HCN4: variants seen among roughly 807,000 people sequenced by gnomAD.
The protein encoded by HCN4 is potassium/sodium hyperpolarization-activated cyclic nucleotide-gated channel 4.
In HCN4, 29 loss-of-function variants were observed where a neutral mutation model predicts 76.9. That is an observed-to-expected ratio of 0.38 (90% confidence interval 0.28 to 0.51). HCN4 has a LOEUF of 0.51. Among genes scored for constraint, HCN4 ranks in the 20% least tolerant of loss-of-function variants. The probability of loss-of-function intolerance (pLI) is 0.90; values close to 1 mark genes in which losing one functional copy is unlikely to be tolerated. For synonymous variants in HCN4, 772 were observed against 762.5 expected, an observed-to-expected ratio of 1.01 and a Z score of -0.21; for missense variants, 1,416 against 1,715.2, an observed-to-expected ratio of 0.83 and a Z score of 3.08.
At chr15:73,346,256 G>A (rs1474621498) in intron 1 of HCN4, among the ~76,000 whole-genome samples, 2 of 152,096 alleles carry the variant, frequency 1.3e-5, no homozygotes, top group African/African-American at 4.8e-5. Flanking sequence ...CTGCTCCATG[G>A]TTTACTAGCA....
rs1242136992 is a variant in HCN4 at position 73,325,297 on chromosome 15, C to T, written c.1737+1G>A. 1 of 1,614,016 alleles carries T rather than the reference C, an allele frequency of 6.2e-7. No homozygotes were observed. Among genetic ancestry groups the T allele is most frequent in the Non-Finnish European group, 8.5e-7 (1 of 1,180,012 alleles). On this transcript the variant is annotated splice_donor_variant, in intron 5 of 7. Transcript: ENST00000261917. LOFTEE classifies it high-confidence loss of function. This position sits in a 1 kb window ranked among gnomAD's most constrained non-coding sequence, Gnocchi z 7.4. Reference sequence around the variant, plus strand: ...CCACGCCGGGCCGCCACACAGCTCACCTCCCGCAGGGGCTCGCTTAGCTCG... The same window carrying T: ...CCACGCCGGGCCGCCACACAGCTCATCTCCCGCAGGGGCTCGCTTAGCTCG...
chr15:73,335,038 G>A (rs767754933), intron 2 of HCN4, among the ~76,000 whole-genome samples: 3 of 152,054 alleles, frequency 2.0e-5, no homozygotes, highest in South Asian at 2.1e-4. Context: ...GAAGGCGGCC[G>A]TCTACAAGTC....
chr15:73,358,057 C>G (rs2043089217), intron 1 of HCN4, among the ~76,000 whole-genome samples: 1 of 152,114 alleles, frequency 6.6e-6, no homozygotes, highest in Admixed American at 6.5e-5. Flanking sequence ...ACCCTGGACA[C>G]TGAGAGAAGA....
At chr15:73,330,523 T>C (rs2042926704) in intron 3 of HCN4, among the ~76,000 whole-genome samples, 1 of 152,146 alleles carries the variant, frequency 6.6e-6, no homozygotes, top group African/African-American at 2.4e-5. Context: ...ATTTAGTGCA[T>C]GTGTGGGCCT....
intron 1 of HCN4, among the ~76,000 whole-genome samples, chr15:73,359,840 T>C (rs894322524): frequency 1.3e-5 from 2 of 152,206 alleles, no homozygotes; most frequent in Non-Finnish European, 2.9e-5. Flanking sequence ...ACCATTTCTC[T>C]GGTGGATCAG....
chr15:73,324,038 C>T (rs1343479181), intron 7 of HCN4, 51 bp downstream of exon 7: 3 of 1,607,526 alleles, frequency 1.9e-6, no homozygotes, highest in Non-Finnish European at 2.5e-6. Flanking sequence ...GAGCCCTGCC[C>T]TCCTCCCCCA....
Position 73,328,757 on chromosome 15 carries a change from G to A in HCN4, c.1590+816C>T, listed in dbSNP as rs2042915020. Among the ~76,000 whole-genome samples, 1 of 152,174 alleles carries A rather than the reference G, an allele frequency of 6.6e-6. No individual in the cohort carries two copies. On this transcript the variant is annotated intron_variant, in intron 4 of 7. Transcript: ENST00000261917. The surrounding 1 kb of genome is among the most constrained non-coding windows in gnomAD (Gnocchi z 4.0). Reference sequence around the variant, plus strand: ...CATTCTCTGTGGTGAGGGGGCTGCTGTTGAGACCCCAGGGAGAGATGAAGC... The same window carrying A: ...CATTCTCTGTGGTGAGGGGGCTGCTATTGAGACCCCAGGGAGAGATGAAGC...
At chr15:73,335,578 G>GC in intron 2 of HCN4, 1 of 152,414 alleles carries the variant, frequency 6.6e-6, no homozygotes, top group Non-Finnish European at 1.5e-5. Flanking sequence ...CCCTGACTGT[G>GC]CCCCCCAGCA....
intron 4 of HCN4, among the ~76,000 whole-genome samples, chr15:73,326,769 TTTTATTTATTTA>T (rs745348390): frequency 1.4e-4 from 21 of 151,050 alleles, no homozygotes; most frequent in Non-Finnish European, 2.7e-4. Context: ...CTTTTTTTCT[TTTTATTTATTTA>T]TTTATTTATT....
At chr15:73,338,838 C>A (rs1191832062) in intron 2 of HCN4, among the ~76,000 whole-genome samples, 1 of 152,242 alleles carries the variant, frequency 6.6e-6, no homozygotes, top group African/African-American at 2.4e-5. Context: ...ATGCTGGGTG[C>A]AGTTTGAAGG....
chr15:73,335,440 C>G (rs1304222123), intron 2 of HCN4: 1 of 152,310 alleles, frequency 6.6e-6, no homozygotes, highest in African/African-American at 2.4e-5. Flanking sequence ...AGCCAACAAA[C>G]TGTTAAAGAA....
At chr15:73,324,389 G>A (rs979168539) in intron 6 of HCN4, 136 bp from the exon 7 acceptor site, 5 of 921,012 alleles carry the variant, frequency 5.4e-6, no homozygotes, top group Non-Finnish European at 8.4e-6. Context: ...CCAGACTGCG[G>A]CCACACTGGA....
chr15:73,361,005 T>C (rs1489532397), intron 1 of HCN4, among the ~76,000 whole-genome samples: 5 of 152,202 alleles, frequency 3.3e-5, no homozygotes, highest in Non-Finnish European at 7.3e-5. Flanking sequence ...GGAGTGGGAA[T>C]GTGGGGCCAG....
In HCN4 at chr15:73,323,320, G is replaced by A; in HGVS notation, c.2773C>T (p.Leu925=). 4 of 1,559,012 alleles carry A rather than the reference G, an allele frequency of 2.6e-6. No individual in the cohort carries two copies. Among genetic ancestry groups the A allele is most frequent in the East Asian group, 2.4e-5 (1 of 42,276 alleles). ...GCGCCTGGCTGCAGCGGGGTGAGCA[G>A]GGGAGAGTCGGAGGAGGACAGGGAG... ...GGSLSSSDSP[L]LTPLQPGARS... Residue 925 remains leucine (L), a synonymous_variant, in exon 8 of 8, where the codon CTG becomes TTG. Coordinates refer to ENST00000261917, the MANE Select transcript of HCN4 (RefSeq NM_005477.3).
chr15:73,358,593 G>A (rs1478332106), intron 1 of HCN4, among the ~76,000 whole-genome samples: 1 of 152,172 alleles, frequency 6.6e-6, no homozygotes, highest in Non-Finnish European at 1.5e-5. Flanking sequence ...CATACACACA[G>A]GCAAACACAC....
rs971779016 is a variant in HCN4, at chr15:73,332,349, G to A, written c.1210-57C>T. On this transcript the variant is annotated intron_variant, in intron 2 of 7. Coordinates refer to ENST00000261917, the MANE Select transcript of HCN4 (RefSeq NM_005477.3). ...TAGGTGAGTGGCCAGGAGGGCCAGC[G>A]GCCACTTTCCCTGCCCTGGAGCTGC... is the stretch of plus-strand genomic sequence containing the variant. 5.7e-6 allele frequency: 9 copies of A among 1,568,352 alleles called. No homozygotes were observed. The South Asian group carries it at 6.7e-5, about 12-fold the overall frequency.
chr15:73,354,329 G>T (rs1468730814), intron 1 of HCN4, among the ~76,000 whole-genome samples: 1 of 152,204 alleles, frequency 6.6e-6, no homozygotes, highest in African/African-American at 2.4e-5. Context: ...CCCCAAGAAG[G>T]TGAGCTGTGT....
intron 1 of HCN4, among the ~76,000 whole-genome samples, chr15:73,358,284 C>T (rs1034489748): frequency 9.9e-5 from 15 of 152,194 alleles, no homozygotes; most frequent in African/African-American, 3.4e-4. Flanking sequence ...ATGAACGGGA[C>T]CTGTGGACCT....
chr15:73,365,197 G>A (rs1334017927), intron 1 of HCN4, among the ~76,000 whole-genome samples: 1 of 152,162 alleles, frequency 6.6e-6, no homozygotes, highest in Non-Finnish European at 1.5e-5. Context: ...CTAGGCTCTT[G>A]CCTGTTTGAC....
Sources: gnomAD v4.1 joint callset for allele counts (sites outside exome capture counted in the v4.1 genomes callset) on GRCh38, gnomAD v4.1.1 for gene constraint, Gnocchi (gnomAD v3.1) non-coding constraint, MANE v1.5 for transcripts, NCBI Gene and HGNC (gene_info 2026-07-23, HGNC 2026-07-21) for gene names.